RALGPS1: variants seen among roughly 807,000 people sequenced by gnomAD.
RALGPS1 encodes the protein Ral GEF with PH domain and SH3 binding motif 1, also known as ras-specific guanine nucleotide-releasing factor RalGPS1.
RALGPS1 carries 19 observed loss-of-function variants against 78.8 expected under a neutral mutation model. That is an observed-to-expected ratio of 0.24 (90% CI 0.17 to 0.35). The LOEUF (loss-of-function observed/expected upper bound fraction) is 0.35. Ranked by LOEUF, RALGPS1 falls within the 10% of genes least tolerant of loss-of-function variation. The probability of loss-of-function intolerance (pLI) is 1.00; values close to 1 mark genes in which losing one functional copy is unlikely to be tolerated. For missense variants in RALGPS1, 454 were observed against 688.3 expected (o/e 0.66, Z 3.81); for synonymous variants, 228 against 256.3 (o/e 0.89, Z 1.06).
chr9:127,003,002 G>T (rs1050688460), intron 4 of RALGPS1, among the ~76,000 whole-genome samples: 5 of 152,132 alleles, frequency 3.3e-5, no homozygotes, highest in Admixed American at 2.0e-4. Context: ...TCTAGTTCTA[G>T]ATCCCTGAGG....
At chr9:127,168,900 C>G (rs1225907043) in intron 10 of RALGPS1, 128 bp downstream of exon 10, 17 of 719,408 alleles carry the variant, frequency 2.4e-5, no homozygotes, top group Non-Finnish European at 3.9e-5. Context: ...TATCAGAGTC[C>G]ACAGCAGTAG....
chr9:127,045,881 A>T (rs529658273), intron 5 of RALGPS1, among the ~76,000 whole-genome samples: 1 of 152,060 alleles, frequency 6.6e-6, no homozygotes, highest in African/African-American at 2.4e-5. Flanking sequence ...GTTTTGTGCT[A>T]ATCTTGGTTT....
chr9:127,196,983 A>T (rs571502608), intron 13 of RALGPS1, among the ~76,000 whole-genome samples: 2 of 152,176 alleles, frequency 1.3e-5, no homozygotes, highest in African/African-American at 4.8e-5. Flanking sequence ...TCCCTGGGGG[A>T]TCATGACCCA....
intron 1 of RALGPS1, among the ~76,000 whole-genome samples, chr9:126,927,127 G>T (rs559718637): frequency 2.6e-5 from 4 of 152,140 alleles, no homozygotes; most frequent in African/African-American, 9.7e-5. Flanking sequence ...GTGTTTGCGG[G>T]GAGGGAGGCT....
At chr9:126,955,949 A>G (rs1197783032) in intron 1 of RALGPS1, among the ~76,000 whole-genome samples, 3 of 152,218 alleles carry the variant, frequency 2.0e-5, no homozygotes, top group African/African-American at 7.2e-5. Flanking sequence ...AGAGGCATTT[A>G]TCGCCGGGCC....
chr9:127,080,667 G>A (rs538447618), intron 8 of RALGPS1, among the ~76,000 whole-genome samples: 13 of 152,284 alleles, frequency 8.5e-5, no homozygotes, highest in African/African-American at 3.1e-4. Context: ...GTTGGATATC[G>A]CCTGGATGAG....
At chr9:127,143,120 TTTG>T (rs2057892669) in intron 8 of RALGPS1, among the ~76,000 whole-genome samples, 1 of 152,240 alleles carries the variant, frequency 6.6e-6, no homozygotes, top group Admixed American at 6.5e-5. Context: ...CAAGTTTTTG[TTTG>T]TTTTCTTTTA....
chr9:127,065,769 G>A (rs1475460121), intron 7 of RALGPS1, among the ~76,000 whole-genome samples: 1 of 152,060 alleles, frequency 6.6e-6, no homozygotes, highest in African/African-American at 2.4e-5. Context: ...GGTCATCCTG[G>A]AATCTCCCTT....
At position 126,962,303 on chromosome 9, in the gene RALGPS1, A is replaced by G. The variant is rs755362515; in HGVS notation, c.14A>G (p.Asn5Ser). The G allele has an allele frequency of 6.2e-7, 1 of 1,614,162 alleles. No homozygotes were observed. The highest frequency in any genetic ancestry group is 2.2e-5 in the East Asian group (1 of 44,866). MYKRNGLMASVLVTS... is the reference protein window; with the variant it reads MYKRSGLMASVLVTS... Reference sequence around the variant, plus strand: ...GGCCTGGAGACTATGTACAAGAGGAATGGTCTGATGGCTAGCGTGTTGGTC... The same window carrying G: ...GGCCTGGAGACTATGTACAAGAGGAGTGGTCTGATGGCTAGCGTGTTGGTC... Residue 5 changes from asparagine (N) to serine (S), a missense_variant, in exon 2 of 19, where the codon AAT becomes AGT. Physicochemically the swap from Asn to Ser is conservative, Grantham distance 46 (BLOSUM62 1). Coordinates refer to ENST00000259351, the MANE Select transcript of RALGPS1 (RefSeq NM_014636.3).
chr9:127,071,557 A>C (rs1178259349), intron 8 of RALGPS1, among the ~76,000 whole-genome samples: 1 of 152,030 alleles, frequency 6.6e-6, no homozygotes, highest in Non-Finnish European at 1.5e-5. Flanking sequence ...ATTTCTGTTA[A>C]CTACTAGAGT....
At chr9:127,217,165 A>T in intron 18 of RALGPS1, 1 of 1,263,994 alleles carries the variant, frequency 7.9e-7, no homozygotes, top group Non-Finnish European at 9.9e-7. Flanking sequence ...AGTTTCATGT[A>T]TTGGCAGATG....
intron 1 of RALGPS1, among the ~76,000 whole-genome samples, chr9:126,960,430 C>T (rs1384039053): frequency 6.6e-6 from 1 of 151,796 alleles, no homozygotes; most frequent in Non-Finnish European, 1.5e-5. Flanking sequence ...GACGAGGTTT[C>T]ACCATGTTGG....
intron 8 of RALGPS1, among the ~76,000 whole-genome samples, chr9:127,133,076 G>A (rs1019235613): frequency 6.6e-6 from 1 of 152,252 alleles, no homozygotes; most frequent in African/African-American, 2.4e-5. Flanking sequence ...TTGAGGACAT[G>A]TACATGTTAG....
chr9:127,086,303 C>T (rs1026739561), intron 8 of RALGPS1, among the ~76,000 whole-genome samples: 1 of 152,192 alleles, frequency 6.6e-6, no homozygotes, highest in Non-Finnish European at 1.5e-5. Flanking sequence ...TATACACTGG[C>T]AAGTTACTCT....
intron 7 of RALGPS1, among the ~76,000 whole-genome samples, chr9:127,068,842 G>T (rs1297194592): frequency 6.6e-6 from 1 of 152,146 alleles, no homozygotes; most frequent in Non-Finnish European, 1.5e-5. Context: ...GCAAATCAAG[G>T]TGCAGATTAT....
At chr9:127,096,148 C>T (rs1184098631) in intron 8 of RALGPS1, among the ~76,000 whole-genome samples, 1 of 152,242 alleles carries the variant, frequency 6.6e-6, no homozygotes, top group Non-Finnish European at 1.5e-5. Context: ...CTGCCTTTCC[C>T]CCACCACTCC....
chr9:127,118,118 G>C (rs888206905), intron 8 of RALGPS1, among the ~76,000 whole-genome samples: 3 of 152,110 alleles, frequency 2.0e-5, no homozygotes, highest in Non-Finnish European at 4.4e-5. Flanking sequence ...GCAGTGGCGC[G>C]ATCTCAGCTC....
At chr9:127,019,545 T>C (rs772159707) in intron 4 of RALGPS1, among the ~76,000 whole-genome samples, 10 of 152,208 alleles carry the variant, frequency 6.6e-5, no homozygotes, top group African/African-American at 1.7e-4. Context: ...GTCAGGATGG[T>C]CTCGATCTCC....
At chr9:127,158,183 C>T (rs930465862) in intron 8 of RALGPS1, among the ~76,000 whole-genome samples, 28 of 152,036 alleles carry the variant, frequency 1.8e-4, no homozygotes, top group Middle Eastern at 3.4e-3. Context: ...TTTTCTTTTA[C>T]GGTTTTATGC....
Sources: gnomAD v4.1 joint callset for allele counts (sites outside exome capture counted in the v4.1 genomes callset) on GRCh38, gnomAD v4.1.1 for gene constraint, MANE v1.5 for transcripts, NCBI Gene and HGNC (gene_info 2026-07-23, HGNC 2026-07-21) for gene names.